SLC17A5: variants seen among roughly 807,000 people sequenced by gnomAD.
SLC17A5 encodes sialin.
A neutral mutation model predicts 59.4 loss-of-function variants in SLC17A5; 47 were observed. The ratio of observed to expected loss-of-function variants is 0.79; its 90% CI spans 0.63 to 1.01. The LOEUF (loss-of-function observed/expected upper bound fraction) is 1.01, where lower values mean the gene tolerates loss of function less well. Among genes scored for constraint, SLC17A5 ranks in the 50% least tolerant of loss-of-function variants. SLC17A5 has a pLI of 0.00. For missense variants in SLC17A5, 522 were observed against 595.5 expected (o/e 0.88, Z 1.28); for synonymous variants, 202 against 210.7 (o/e 0.96, Z 0.36).
intron 10 of SLC17A5, among the ~76,000 whole-genome samples, chr6:73,599,606 T>C (rs997733248): frequency 6.6e-6 from 1 of 152,224 alleles, no homozygotes; most frequent in Non-Finnish European, 1.5e-5. Context: ...CATGTCCATA[T>C]TGAGACACAG....
chr6:73,635,434 T>C lies in SLC17A5; in HGVS notation c.767A>G (p.Lys256Arg), dbSNP rs2150112355. ...WLVSDTPQKHKRISHYEKEYI... is the reference protein window; with the variant it reads ...WLVSDTPQKHRRISHYEKEYI... ...TTCCTTTTCATAATGGGAAATTCTC[T>C]TGTGTTTTTGTGGTGTGTCACTAAC... is the stretch of plus-strand genomic sequence containing the variant. Residue 256 changes from lysine (K) to arginine (R), a missense_variant, in exon 6 of 11, where the codon AAG becomes AGG. This residue lies in a region of SLC17A5 where 338 missense variants were observed against 363.8 expected (regional missense o/e 0.93). Coordinates refer to ENST00000355773, the MANE Select transcript of SLC17A5 (RefSeq NM_012434.5). The C allele has an allele frequency of 6.2e-7, 1 of 1,609,646 alleles. No homozygotes were observed. Among genetic ancestry groups the C allele is most frequent in the Non-Finnish European group, 8.5e-7 (1 of 1,177,222 alleles).
intron 6 of SLC17A5, among the ~76,000 whole-genome samples, chr6:73,631,413 C>T (rs543852253): frequency 1.9e-4 from 29 of 151,866 alleles, no homozygotes; most frequent in African/African-American, 6.1e-4. Context: ...ACAGCTTTAC[C>T]CCACCTTCTA....
rs1041851671 is a variant in SLC17A5 at position 73,626,562 on chromosome 6, A to G, written c.820-4600T>C. On this transcript the variant is annotated intron_variant, in intron 6 of 10. Transcript: ENST00000355773. ...AGGAGAAACTATCCGCGTATCTAGC[A>G]GACATTTATAAAAAAATCCTTCAAG... Among the ~76,000 whole-genome samples the G allele has an allele frequency of 2.6e-5, 4 of 152,214 alleles. No individual in the cohort carries two copies. The East Asian group carries it at 5.8e-4, about 22-fold the overall frequency.
intron 2 of SLC17A5, among the ~76,000 whole-genome samples, chr6:73,643,395 C>T (rs763739446): frequency 8.6e-5 from 13 of 151,962 alleles, no homozygotes; most frequent in Non-Finnish European, 1.6e-4. Context: ...CTCCTGACCT[C>T]GTGATCCATG....
chr6:73,639,947 G>A (rs1244776100), intron 3 of SLC17A5, among the ~76,000 whole-genome samples: 1 of 152,216 alleles, frequency 6.6e-6, no homozygotes, highest in Non-Finnish European at 1.5e-5. Flanking sequence ...TTGGGAGGCT[G>A]AGGAAGGAGA....
At chr6:73,618,803 C>T (rs984138564) in intron 7 of SLC17A5, among the ~76,000 whole-genome samples, 5 of 152,242 alleles carry the variant, frequency 3.3e-5, no homozygotes, top group Non-Finnish European at 7.4e-5. Context: ...TGGCTCACTG[C>T]AACTTCTGCC....
At chr6:73,634,936 A>G (rs1768924968) in intron 6 of SLC17A5, among the ~76,000 whole-genome samples, 1 of 152,208 alleles carries the variant, frequency 6.6e-6, no homozygotes, top group African/African-American at 2.4e-5. Context: ...ATCAAGTGGA[A>G]AAAACAAACT....
rs1485746484 is a variant in SLC17A5 at position 73,635,267 on chromosome 6, A to G, written c.819+115T>C. 13 of 657,190 alleles carry G rather than the reference A, an allele frequency of 2.0e-5. No individual in the cohort carries two copies. In the East Asian group the frequency reaches 2.9e-4, roughly 15 times the overall value. The allele number at this position is 657,190 out of a possible 1,614,324, so 40.7% of individuals were successfully genotyped here. On this transcript the variant is annotated intron_variant, in intron 6 of 10. Transcript: ENST00000355773. ...CTTTGGATGTTCATTTCATTTGCCT[A>G]TTCTACTTTGTCTAGAGCATGCACA... is the stretch of plus-strand genomic sequence containing the variant.
intron 3 of SLC17A5, among the ~76,000 whole-genome samples, chr6:73,639,417 A>T (rs1267402968): frequency 1.3e-5 from 2 of 152,214 alleles, no homozygotes; most frequent in Non-Finnish European, 2.9e-5. Context: ...TTTCAAAAAC[A>T]AAAACAAAAG....
intron 7 of SLC17A5, among the ~76,000 whole-genome samples, chr6:73,621,350 T>C (rs1195400735): frequency 6.6e-6 from 1 of 152,134 alleles, no homozygotes; most frequent in South Asian, 2.1e-4. Context: ...TGTTGCCCGG[T>C]CTGGTCTCAA....
chr6:73,601,412 G>C (rs1392962549), intron 9 of SLC17A5, among the ~76,000 whole-genome samples: 6 of 144,078 alleles, frequency 4.2e-5, no homozygotes, highest in East Asian at 2.1e-4. Flanking sequence ...GGAGGGAGGT[G>C]GGGGGGTCAG....
rs904622001 is a variant in SLC17A5 at position 73,653,970 on chromosome 6, G to A, written c.-84C>T. 4 of 1,256,204 alleles carry A rather than the reference G, an allele frequency of 3.2e-6. No individual in the cohort carries two copies. The highest frequency in any genetic ancestry group is 4.5e-6 in the Non-Finnish European group (4 of 885,840). 77.8% of individuals were successfully genotyped at this position (1,256,204 alleles called of 1,614,324 possible). A position where few individuals can be genotyped will look rare whatever the true frequency, so the allele number is the denominator to read the frequency against. ...AGCCCGAAGCCCCCGGGCCGAGCTG[G>A]CTGGACCGGGCGGGGCGGGGGCGAT... On this transcript the variant is annotated 5_prime_UTR_variant, in exon 1 of 11. Transcript: ENST00000355773.
Position 73,645,516 on chromosome 6 carries a change from G to C in SLC17A5, c.95-913C>G, listed in dbSNP as rs950540432. 4 of 984,660 alleles carry C rather than the reference G, an allele frequency of 4.1e-6. No homozygotes were observed. In the Admixed American group the frequency reaches 2.5e-4, roughly 61 times the overall value. The allele number at this position is 984,660 out of a possible 1,614,324, so 61.0% of individuals were successfully genotyped here. ...TTAAAAAAAAAGGATGCCGGGCACA[G>C]TGGCTCACGCCTGTAATCCCAGCAC... On this transcript the variant is annotated intron_variant, in intron 1 of 10. Transcript: ENST00000355773.
At chr6:73,630,167 AT>A (rs1379346268) in intron 6 of SLC17A5, among the ~76,000 whole-genome samples, 1 of 151,520 alleles carries the variant, frequency 6.6e-6, no homozygotes, top group Non-Finnish European at 1.5e-5. Context: ...TAATTTTTGT[AT>A]TTTTACTAGA....
intron 9 of SLC17A5, among the ~76,000 whole-genome samples, chr6:73,605,162 T>C (rs1767336444): frequency 6.6e-6 from 1 of 152,174 alleles, no homozygotes; most frequent in Non-Finnish European, 1.5e-5. Flanking sequence ...CTTCATTTTA[T>C]AGATGAAGAA....
chr6:73,617,745 C>T (rs981091555), intron 7 of SLC17A5, among the ~76,000 whole-genome samples: 1 of 152,192 alleles, frequency 6.6e-6, no homozygotes, highest in Non-Finnish European at 1.5e-5. Flanking sequence ...GAGGCCGAGG[C>T]AGGAGAATCG....
intron 2 of SLC17A5, among the ~76,000 whole-genome samples, 189 bp downstream of exon 2, chr6:73,644,218 G>A (rs550391952): frequency 6.6e-6 from 1 of 152,228 alleles, no homozygotes; most frequent in Admixed American, 6.5e-5. Flanking sequence ...GGTGTATTAC[G>A]GCATAGCAGT....
At chr6:73,601,352 A>ACCCC (rs1767075638) in intron 9 of SLC17A5, among the ~76,000 whole-genome samples, 1 of 122,330 alleles carries the variant, frequency 8.2e-6, no homozygotes, top group South Asian at 3.1e-4. Flanking sequence ...CCCGGCAGCC[A>ACCCC]CCCCGTCTGG....
intron 9 of SLC17A5, among the ~76,000 whole-genome samples, chr6:73,601,568 G>C: frequency 1.1e-5 from 1 of 87,256 alleles, no homozygotes; most frequent in African/African-American, 6.2e-5. Context: ...GGGAGCCTCT[G>C]CCCGGCCGCC....
Sources: allele counts gnomAD v4.1 joint callset (sites outside exome capture counted in the v4.1 genomes callset), GRCh38; gene constraint gnomAD v4.1.1; regional missense constraint gnomAD v4.1.1; transcripts MANE v1.5; gene names NCBI Gene and HGNC (gene_info 2026-07-23, HGNC 2026-07-21).